Variants in CDC23 observed in about 807,000 individuals in gnomAD.
CDC23 encodes the protein cell division cycle protein 23 homolog.
In CDC23, 26 loss-of-function variants were observed where a neutral mutation model predicts 81.7. The ratio of observed to expected loss-of-function variants is 0.32; its 90% CI spans 0.23 to 0.44. The LOEUF (loss-of-function observed/expected upper bound fraction) is 0.44. Among genes scored for constraint, CDC23 ranks in the 20% least tolerant of loss-of-function variants. The pLI, the probability that CDC23 is intolerant of heterozygous loss-of-function variation, is 1.00. For synonymous variants in CDC23, 267 were observed against 270.8 expected, an observed-to-expected ratio of 0.99 and a Z score of 0.14; for missense variants, 519 against 728.0, an observed-to-expected ratio of 0.71 and a Z score of 3.30.
chr5:138,192,282 C>T lies in CDC23; in HGVS notation c.1273G>A (p.Ala425Thr). The change falls in exon 11 of 16, where the codon GCC becomes ACC. Residue 425 changes from alanine to threonine, a missense_variant. This residue lies in a region of CDC23 where 175 missense variants were observed against 337.8 expected (regional missense o/e 0.52). Coordinates refer to ENST00000394886, the MANE Select transcript of CDC23 (RefSeq NM_004661.4). Reference sequence around the variant, plus strand: ...GACCAGGCTTACCGAAGCTGGTGGGCCCGTCTATAATAATAAAGGCAGTAA... The same window carrying T: ...GACCAGGCTTACCGAAGCTGGTGGGTCCGTCTATAATAATAAAGGCAGTAA... ...PFYCLYYYRR[A>T]HQLRPNDSRM... The T allele has an allele frequency of 6.2e-7, 1 of 1,614,120 alleles. No homozygotes were observed. The highest frequency in any genetic ancestry group is 8.5e-7 in the Non-Finnish European group (1 of 1,180,020).
chr5:138,198,372 C>A, intron 8 of CDC23, 54 bp downstream of exon 8: 1 of 1,590,478 alleles, frequency 6.3e-7, no homozygotes, highest in East Asian at 2.2e-5. Flanking sequence ...ACAATCCAAC[C>A]CAGATTAGTG....
chr5:138,201,043 T>C, intron 6 of CDC23, 64 bp downstream of exon 6: 7 of 1,579,366 alleles, frequency 4.4e-6, no homozygotes, highest in Non-Finnish European at 5.2e-6. Flanking sequence ...CCCACCCCTA[T>C]ATTACTACAG....
intron 2 of CDC23, 148 bp from the exon 3 acceptor site, chr5:138,206,832 T>C: frequency 2.5e-6 from 1 of 396,624 alleles, no homozygotes; most frequent in Non-Finnish European, 4.3e-6. Context: ...TGCATATATA[T>C]ATAATTTTAT....
chr5:138,201,713 A>C (rs1754992013), intron 4 of CDC23, among the ~76,000 whole-genome samples: 1 of 152,230 alleles, frequency 6.6e-6, no homozygotes. Context: ...TCTAGCAAAC[A>C]CAAGGTACCA....
At chr5:138,190,497 C>T (rs948390143) in intron 13 of CDC23, among the ~76,000 whole-genome samples, 15 of 151,340 alleles carry the variant, frequency 9.9e-5, no homozygotes, top group Admixed American at 2.6e-4. Context: ...GGCACTGTGG[C>T]TCACACCTGT....
chr5:138,203,611 A>G (rs1255109905), intron 3 of CDC23, among the ~76,000 whole-genome samples: 1 of 152,136 alleles, frequency 6.6e-6, no homozygotes, highest in Admixed American at 6.5e-5. Flanking sequence ...TGCTGGCTCA[A>G]TTGACAAGAT....
chr5:138,201,258 A>G lies in CDC23; in HGVS notation c.522-19T>C. The stretch of plus-strand genomic sequence containing the variant: ...ACCATACCTGGGAAAAAAAAGAAAC[A>G]ATCACAGAAGTTAATGCTATTTAAT... On this transcript the variant is annotated intron_variant, in intron 5 of 15. Transcript: ENST00000394886. The G allele has an allele frequency of 6.2e-7, 1 of 1,613,758 alleles. No homozygotes were observed. Among genetic ancestry groups the G allele is most frequent in the South Asian group, 1.1e-5 (1 of 90,994 alleles).
intron 2 of CDC23, among the ~76,000 whole-genome samples, chr5:138,209,875 T>C (rs1335790694): frequency 2.0e-5 from 3 of 151,308 alleles, no homozygotes; most frequent in East Asian, 3.9e-4. Flanking sequence ...ACTACGTAGA[T>C]TGAGCAAGCA....
At chr5:138,210,311 A>C (rs990849631) in intron 2 of CDC23, among the ~76,000 whole-genome samples, 3 of 151,322 alleles carry the variant, frequency 2.0e-5, no homozygotes, top group Non-Finnish European at 2.9e-5. Flanking sequence ...GGATCAGCTG[A>C]GTTCAGGAAT....
chr5:138,212,856 C>A, intron 2 of CDC23, 135 bp downstream of exon 2: 1 of 677,736 alleles, frequency 1.5e-6, no homozygotes, highest in East Asian at 2.7e-5. Flanking sequence ...AAACACTCAG[C>A]TCTTTGAATG....
At position 138,191,530 on chromosome 5, in the gene CDC23, A is replaced by G. The variant is rs759704014; in HGVS notation, c.1368T>C (p.Tyr456=). The G allele has an allele frequency of 1.9e-6, 3 of 1,614,048 alleles. No homozygotes were observed. The highest frequency in any genetic ancestry group is 1.1e-5 in the South Asian group (1 of 91,078). Residue 456 remains tyrosine (Y), a synonymous_variant, in exon 13 of 16, where the codon TAT becomes TAC. Coordinates refer to ENST00000394886, the MANE Select transcript of CDC23 (RefSeq NM_004661.4). Reference sequence around the variant, plus strand: ...CATCTCCCACGGCGTAAGCTCTCCAATAACACTGTCAAAAAAATAAACTGG... The same window carrying G: ...CATCTCCCACGGCGTAAGCTCTCCAGTAACACTGTCAAAAAAATAAACTGG... ...LNQLVEAKKC[Y]WRAYAVGDVE...
Position 138,188,477 on chromosome 5 carries a change from C to G in CDC23, c.*501G>C, listed in dbSNP as rs17234954. 1 of 152,468 alleles carries G rather than the reference C, an allele frequency of 6.6e-6. No individual in the cohort carries two copies. Among genetic ancestry groups the G allele is most frequent in the East Asian group, 1.9e-4 (1 of 5,192 alleles). 9.4% of individuals were successfully genotyped at this position (152,468 alleles called of 1,614,324 possible). Reference sequence around the variant, plus strand: ...AATGGATAGCTCTATTCCATTTAAACCTAATCTCTGACATCAGAATAGGGA... The same window carrying G: ...AATGGATAGCTCTATTCCATTTAAAGCTAATCTCTGACATCAGAATAGGGA... On this transcript the variant is annotated 3_prime_UTR_variant, in exon 16 of 16. Coordinates refer to ENST00000394886, the MANE Select transcript of CDC23 (RefSeq NM_004661.4).
rs2231476 is a variant in CDC23 at position 138,198,341 on chromosome 5, T to C, written c.931-61A>G. ...AAAGAACTCCCTAAATTATTTTTCC[T>C]GTAGCTAATACAAGTGGGTGACAAT... On this transcript the variant is annotated intron_variant, in intron 8 of 15. Coordinates refer to ENST00000394886, the MANE Select transcript of CDC23 (RefSeq NM_004661.4). The C allele has an allele frequency of 2.5e-3, 4,005 of 1,580,654 alleles. 145 individuals carry two copies. In the East Asian group the frequency reaches 0.067, roughly 27 times the overall value.
chr5:138,195,700 C>CATATATACATATAATATATATGCAT (rs1754887684), intron 9 of CDC23, among the ~76,000 whole-genome samples: 5 of 94,744 alleles, frequency 5.3e-5, no homozygotes, highest in African/African-American at 2.1e-4. Context: ...AATATATATG[C>CATATATACATATAATATATATGCAT]ATATATACAT....
chr5:138,209,356 A>T (rs540509340), intron 2 of CDC23, among the ~76,000 whole-genome samples: 276 of 151,364 alleles, frequency 1.8e-3, no homozygotes, highest in African/African-American at 6.5e-3. Flanking sequence ...TGAACCTGGG[A>T]GGTGGAGGTT....
At chr5:138,199,823 T>C (rs919631129) in intron 6 of CDC23, among the ~76,000 whole-genome samples, 1 of 152,224 alleles carries the variant, frequency 6.6e-6, no homozygotes, top group African/African-American at 2.4e-5. Flanking sequence ...GAAAGTCTAG[T>C]AGGCAGTTAC....
At chr5:138,205,550 T>C (rs1029936526) in intron 3 of CDC23, among the ~76,000 whole-genome samples, 2 of 151,634 alleles carry the variant, frequency 1.3e-5, no homozygotes, top group African/African-American at 4.8e-5. Context: ...AAGGGAAAAA[T>C]GGAGAGTTAT....
Position 138,213,272 on chromosome 5 carries a change from G to A in CDC23, c.41C>T (p.Ala14Val). The A allele has an allele frequency of 1.2e-6, 2 of 1,613,946 alleles. No homozygotes were observed. The highest frequency in any genetic ancestry group is 1.6e-4 in the Middle Eastern group (1 of 6,062). The change falls in exon 1 of 16, where the codon GCG becomes GTG. Residue 14 changes from alanine (A) to valine (V), a missense_variant. Physicochemically the swap from Ala to Val is moderately conservative, Grantham distance 64 (BLOSUM62 0). Around this residue, in one of 4 missense-constraint regions of CDC23, gnomAD observed 126 missense variants for 116.2 expected, o/e 1.08. Coordinates refer to ENST00000394886, the MANE Select transcript of CDC23 (RefSeq NM_004661.4). ...TATGGACAGGACAGGCGCCACTGCC[G>A]CCGTCACAGCCACCGGGACCATGGA... ...STSMVPVAVTAAVAPVLSINS... is the reference protein window; with the variant it reads ...STSMVPVAVTVAVAPVLSINS...
At chr5:138,201,506 TTTTA>T (rs1409364515) in intron 4 of CDC23, 58 bp from the exon 5 acceptor site, 67 of 1,161,290 alleles carry the variant, frequency 5.8e-5, no homozygotes, top group Non-Finnish European at 6.8e-5. Flanking sequence ...CATTTTCTTA[TTTTA>T]TTTATTTATT....
Sources: allele counts gnomAD v4.1 joint callset (sites outside exome capture counted in the v4.1 genomes callset), GRCh38; gene constraint gnomAD v4.1.1; regional missense constraint gnomAD v4.1.1; transcripts MANE v1.5; gene names NCBI Gene and HGNC (gene_info 2026-07-23, HGNC 2026-07-21).